Variants in KIAA1217 observed in about 807,000 individuals in gnomAD.
KIAA1217 encodes the protein KIAA1217.
A neutral mutation model predicts 163.9 loss-of-function variants in KIAA1217; 88 were observed. The ratio of observed to expected loss-of-function variants is 0.54; its 90% CI spans 0.45 to 0.64. The LOEUF (loss-of-function observed/expected upper bound fraction) is 0.64, where lower values mean the gene tolerates loss of function less well. Ranked by LOEUF, KIAA1217 falls within the 30% of genes least tolerant of loss-of-function variation. The probability of loss-of-function intolerance (pLI) is 0.00; values close to 1 mark genes in which losing one functional copy is unlikely to be tolerated. For synonymous variants in KIAA1217, 903 were observed against 923.1 expected, an observed-to-expected ratio of 0.98 and a Z score of 0.39; for missense variants, 2,372 against 2,475.0, an observed-to-expected ratio of 0.96 and a Z score of 0.88.
At chr10:24,182,486 AAGG>A (rs2066228810) in intron 2 of KIAA1217, among the ~76,000 whole-genome samples, 1 of 146,066 alleles carries the variant, frequency 6.8e-6, no homozygotes, top group Non-Finnish European at 1.5e-5. Flanking sequence ...TGTGTTCTCC[AAGG>A]AGATTATGAT....
intron 9 of KIAA1217, among the ~76,000 whole-genome samples, chr10:24,503,755 C>T (rs1347731060): frequency 1.3e-5 from 2 of 152,224 alleles, no homozygotes; most frequent in African/African-American, 4.8e-5. Context: ...GGGGGCCTAT[C>T]GGCTCCCAAG....
chr10:24,258,666 C>CA (rs2075413775), intron 2 of KIAA1217, among the ~76,000 whole-genome samples: 1 of 151,344 alleles, frequency 6.6e-6, no homozygotes, highest in Non-Finnish European at 1.5e-5. Flanking sequence ...GATCTCGGCT[C>CA]ATTGCAAGCT....
chr10:23,849,251 G>T (rs1302154432), intron 1 of KIAA1217, among the ~76,000 whole-genome samples: 1 of 152,094 alleles, frequency 6.6e-6, no homozygotes, highest in African/African-American at 2.4e-5. Context: ...AGGGACTAAT[G>T]TTGGAAATGT....
intron 2 of KIAA1217, among the ~76,000 whole-genome samples, chr10:24,169,863 A>T (rs903112477): frequency 6.6e-6 from 1 of 152,210 alleles, no homozygotes; most frequent in African/African-American, 2.4e-5. Flanking sequence ...ACACTTATAA[A>T]ACAGTAAACA....
intron 2 of KIAA1217, among the ~76,000 whole-genome samples, chr10:24,354,398 C>T (rs1200027298): frequency 6.6e-6 from 1 of 152,182 alleles, no homozygotes; most frequent in Non-Finnish European, 1.5e-5. Context: ...TCTGGCCCCA[C>T]AGTAGCATCT....
chr10:24,317,616 C>A (rs886575138), intron 2 of KIAA1217, among the ~76,000 whole-genome samples: 4 of 152,080 alleles, frequency 2.6e-5, no homozygotes, highest in African/African-American at 7.2e-5. Context: ...ACTGGGAATT[C>A]TTTTCTTTAG....
chr10:24,023,841 A>G (rs769467785), intron 2 of KIAA1217, among the ~76,000 whole-genome samples: 19 of 151,754 alleles, frequency 1.3e-4, no homozygotes, highest in Admixed American at 3.3e-4. Flanking sequence ...TCAATATTGT[A>G]AACAAAGAAG....
At chr10:24,103,354 T>C (rs2062493184) in intron 2 of KIAA1217, among the ~76,000 whole-genome samples, 1 of 152,118 alleles carries the variant, frequency 6.6e-6, no homozygotes, top group South Asian at 2.1e-4. Flanking sequence ...GGTAATGACT[T>C]ATTAGATACA....
intron 2 of KIAA1217, among the ~76,000 whole-genome samples, chr10:24,126,319 G>A (rs2063471361): frequency 6.6e-6 from 1 of 151,866 alleles, no homozygotes; most frequent in Admixed American, 6.6e-5. Flanking sequence ...GGAGTTTTTG[G>A]TTCAATTGCT....
In KIAA1217 at chr10:23,960,787, C is replaced by T. The variant is rs149426274; in HGVS notation, c.-320-46438C>T. Among the ~76,000 whole-genome samples the T allele has an allele frequency of 8.5e-5, 13 of 152,284 alleles. No homozygotes were observed. The South Asian group carries it at 2.7e-3, about 32-fold the overall frequency. ...TGGCTAGCTGCTTAATAGTTCATCT[C>T]ATATTTCATGTAATCATTCTTACAT... On this transcript the variant is annotated intron_variant, in intron 1 of 18. Coordinates refer to the KIAA1217 transcript ENST00000376462.
At chr10:23,989,235 G>C (rs535406473) in intron 1 of KIAA1217, among the ~76,000 whole-genome samples, 1 of 152,198 alleles carries the variant, frequency 6.6e-6, no homozygotes, top group African/African-American at 2.4e-5. Context: ...ACTCATCCTA[G>C]GTACATGGAG....
At chr10:23,868,782 G>A (rs12781903) in intron 1 of KIAA1217, among the ~76,000 whole-genome samples, 1,561 of 152,192 alleles carry the variant, frequency 0.01, 14 homozygotes, top group Non-Finnish European at 0.016. Context: ...CCCTTTATTG[G>A]ATATAGTAGC....
At chr10:24,110,955 T>A (rs2062823150) in intron 2 of KIAA1217, among the ~76,000 whole-genome samples, 1 of 152,246 alleles carries the variant, frequency 6.6e-6, no homozygotes, top group Non-Finnish European at 1.5e-5. Context: ...TTTTTCTTTA[T>A]GCATTCTTAT....
At chr10:24,521,728 G>C (rs2071320568) in intron 11 of KIAA1217, 54 bp from the exon 12 acceptor site, 3 of 1,581,626 alleles carry the variant, frequency 1.9e-6, no homozygotes, top group Admixed American at 1.7e-5. Flanking sequence ...GCGGGATGAG[G>C]GTTGTCGTTC....
intron 2 of KIAA1217, among the ~76,000 whole-genome samples, chr10:24,253,807 C>T (rs535811313): frequency 4.6e-5 from 7 of 151,794 alleles, no homozygotes; most frequent in African/African-American, 1.4e-4. Flanking sequence ...CCCAGCTGCT[C>T]GGGAGGTTGA....
intron 2 of KIAA1217, among the ~76,000 whole-genome samples, chr10:24,155,584 G>A (rs1319026180): frequency 6.6e-6 from 1 of 152,150 alleles, no homozygotes. Flanking sequence ...ACTTTAGGAG[G>A]CCGAGGTGGG....
At chr10:23,793,738 T>A (rs757602439) in intron 1 of KIAA1217, among the ~76,000 whole-genome samples, 29 of 152,158 alleles carry the variant, frequency 1.9e-4, no homozygotes, top group Non-Finnish European at 3.7e-4. Context: ...CTGTAACTGC[T>A]GCTACAGCCG....
intron 3 of KIAA1217, among the ~76,000 whole-genome samples, chr10:24,431,491 G>C (rs1262604243): frequency 6.6e-6 from 1 of 152,052 alleles, no homozygotes; most frequent in African/African-American, 2.4e-5. Context: ...AGCTCACCTG[G>C]GGCTGGGGAG....
chr10:24,355,841 C>A (rs947019266), intron 2 of KIAA1217, among the ~76,000 whole-genome samples: 1 of 145,598 alleles, frequency 6.9e-6, no homozygotes. Flanking sequence ...CTCCACCTCC[C>A]GGGTTCAAGC....
Sources: gnomAD v4.1 joint callset for allele counts (sites outside exome capture counted in the v4.1 genomes callset) on GRCh38, gnomAD v4.1.1 for gene constraint, MANE v1.5 for transcripts, NCBI Gene and HGNC (gene_info 2026-07-23, HGNC 2026-07-21) for gene names.